The following RAD51AP2 variants were observed in gnomAD, a reference collection of about 807,000 sequenced individuals.
The protein encoded by RAD51AP2 is RAD51 associated protein 2, also known as RAD51-associated protein 2.
Under a neutral mutation model 85.5 loss-of-function variants are expected in RAD51AP2, and 67 were observed. The ratio of observed to expected loss-of-function variants is 0.78; its 90% CI spans 0.64 to 0.96. RAD51AP2 has a LOEUF of 0.96. Ranked by LOEUF, RAD51AP2 falls within the 40% of genes least tolerant of loss-of-function variation. RAD51AP2 has a pLI of 0.00. For synonymous variants in RAD51AP2, 474 were observed against 446.5 expected (o/e 1.06, Z -0.78); for missense variants, 1,307 against 1,332.4 (o/e 0.98, Z 0.30).
Position 17,517,424 on chromosome 2 carries a change from T to C in RAD51AP2, c.992A>G (p.Tyr331Cys). The change falls in exon 1 of 3, where the codon TAC becomes TGC. Residue 331 changes from tyrosine to cysteine, a missense_variant. Physicochemically the swap from Tyr to Cys is radical, Grantham distance 194. Coordinates refer to ENST00000399080, the MANE Select transcript of RAD51AP2 (RefSeq NM_001099218.3). ...NIFSKCYEND[Y>C]PSLSSQNTCK... Reference sequence around the variant, plus strand: ...AGTATTTTGGCTACTGAGTGATGGGTAGTCATTTTCATAACATTTGGAAAA... The same window carrying C: ...AGTATTTTGGCTACTGAGTGATGGGCAGTCATTTTCATAACATTTGGAAAA... 6.2e-7 allele frequency: 1 copy of C among 1,613,696 alleles called. No individual in the cohort carries two copies.
upstream of RAD51AP2, among the ~76,000 whole-genome samples, chr2:17,520,964 C>T (rs1662844186): frequency 6.6e-6 from 1 of 152,088 alleles, no homozygotes; most frequent in South Asian, 2.1e-4. Context: ...GAATTACTTG[C>T]ATCGTCATCT....
rs201450066 is a variant in RAD51AP2 at position 17,515,313 on chromosome 2, T to C, written c.3103A>G (p.Ile1035Val). ...CTTTTGCCCATATTAGGACCTGCTA[T>C]AGTATCATGGAACGAGGAAGATGCA... The part of the protein sequence containing the change: ...IRASSSFHDT[I>V]AGPNMGKSHQ... The change falls in exon 1 of 3, where the codon ATA (isoleucine) becomes GTA (valine). Residue 1035 changes from isoleucine (I) to valine (V), a missense_variant. Ile to Val is a conservative substitution (Grantham distance 29, BLOSUM62 3). Transcript: ENST00000399080. 6.3e-4 allele frequency: 1,012 copies of C among 1,613,514 alleles called. 4 individuals are homozygous for C. Among genetic ancestry groups the C allele is most frequent in the Non-Finnish European group, 2.6e-4 (310 of 1,179,784 alleles).
chr2:17,521,251 A>G (rs1178005581), upstream of RAD51AP2, among the ~76,000 whole-genome samples: 1 of 152,004 alleles, frequency 6.6e-6, no homozygotes, highest in Non-Finnish European at 1.5e-5. Context: ...TACATTAGAG[A>G]CTTGCTTTTA....
At chr2:17,534,172 G>A in the RAD51AP2 span, among the ~76,000 whole-genome samples, 1 of 152,072 alleles carries the variant, frequency 6.6e-6, no homozygotes, top group Admixed American at 6.5e-5. Context: ...TAATTTTAGT[G>A]CAAAATTTTC....
upstream of RAD51AP2, among the ~76,000 whole-genome samples, chr2:17,519,819 CA>C (rs1662817789): frequency 6.6e-6 from 1 of 152,156 alleles, no homozygotes; most frequent in East Asian, 1.9e-4. Context: ...AGATTTTCCA[CA>C]AATCTATATT....
chr2:17,518,991 C>A (rs902407718), upstream of RAD51AP2, among the ~76,000 whole-genome samples: 1 of 151,906 alleles, frequency 6.6e-6, no homozygotes, highest in Non-Finnish European at 1.5e-5. Context: ...TTCCACTTCA[C>A]TAATAAAGTG....
the RAD51AP2 span, among the ~76,000 whole-genome samples, chr2:17,529,132 G>A: frequency 6.6e-6 from 1 of 151,620 alleles, no homozygotes; most frequent in African/African-American, 2.4e-5. Flanking sequence ...TACTTTCATA[G>A]TATATTCTAA....
In RAD51AP2 at chr2:17,514,016, T is replaced by C. The variant is rs1220295705; in HGVS notation, c.3324A>G (p.Arg1108=). ...ECKEEFNYLL[R]GGSHFPHGIS... Reference sequence around the variant, plus strand: ...AAAAAGTAACCACAATGTTACCTCCTCTCAATAAATAATTAAATTCTTCTT... The same window carrying C: ...AAAAAGTAACCACAATGTTACCTCCCCTCAATAAATAATTAAATTCTTCTT... The change falls in exon 2 of 3, where the codon AGA becomes AGG. Residue 1108 remains arginine, a synonymous_variant. Coordinates refer to ENST00000399080, the MANE Select transcript of RAD51AP2 (RefSeq NM_001099218.3). 2.6e-6 allele frequency: 4 copies of C among 1,516,934 alleles called. No individual in the cohort carries two copies. The highest frequency in any genetic ancestry group is 3.7e-6 in the Non-Finnish European group (4 of 1,094,188). 94.0% of individuals were successfully genotyped at this position (1,516,934 alleles called of 1,614,324 possible).
chr2:17,522,758 G>A (rs751682094), upstream of RAD51AP2, among the ~76,000 whole-genome samples: 38 of 151,948 alleles, frequency 2.5e-4, no homozygotes, highest in South Asian at 6.2e-4. Flanking sequence ...AGGACAAAAT[G>A]TCTTTTTTTA....
At chr2:17,526,704 A>G in the RAD51AP2 span, among the ~76,000 whole-genome samples, 1 of 152,090 alleles carries the variant, frequency 6.6e-6, no homozygotes, top group African/African-American at 2.4e-5. Context: ...GAAATAGAAG[A>G]CAAGAAACAG....
Position 17,515,433 on chromosome 2 carries a change from T to C in RAD51AP2, c.2983A>G (p.Asn995Asp), listed in dbSNP as rs558436543. 3.1e-6 allele frequency: 5 copies of C among 1,612,978 alleles called. No individual in the cohort carries two copies. The highest frequency in any genetic ancestry group is 4.2e-6 in the Non-Finnish European group (5 of 1,179,752). ...NELLSTVETNNGQENYFGEND... is the reference protein window; with the variant it reads ...NELLSTVETNDGQENYFGEND... Reference sequence around the variant, plus strand: ...TCTCCAAAGTAATTTTCTTGCCCATTGTTTGTTTCCACAGTGCTTAGAAGT... The same window carrying C: ...TCTCCAAAGTAATTTTCTTGCCCATCGTTTGTTTCCACAGTGCTTAGAAGT... The change falls in exon 1 of 3, where the codon AAT becomes GAT. Residue 995 changes from asparagine to aspartate, a missense_variant. This residue lies in a region of RAD51AP2 where 668 missense variants were observed against 671.0 expected (regional missense o/e 1.00). Coordinates refer to ENST00000399080, the MANE Select transcript of RAD51AP2 (RefSeq NM_001099218.3).
upstream of RAD51AP2, among the ~76,000 whole-genome samples, chr2:17,518,700 T>G (rs1457880963): frequency 6.6e-6 from 1 of 151,942 alleles, no homozygotes; most frequent in African/African-American, 2.4e-5. Flanking sequence ...TTTAGCGCCT[T>G]TTTCTAATGC....
chr2:17,522,890 C>G (rs938885670), upstream of RAD51AP2, among the ~76,000 whole-genome samples: 2 of 151,652 alleles, frequency 1.3e-5, no homozygotes, highest in African/African-American at 2.4e-5. Flanking sequence ...TTAAAATTTT[C>G]AAGGAATTAC....
chr2:17,521,756 G>A (rs1230616354), upstream of RAD51AP2, among the ~76,000 whole-genome samples: 2 of 151,976 alleles, frequency 1.3e-5, no homozygotes, highest in Non-Finnish European at 2.9e-5. Context: ...GATAACATAT[G>A]TGCAAATGCT....
In RAD51AP2 at chr2:17,510,754, A is replaced by G. The variant is rs1197366010; in HGVS notation, c.*50T>C. On this transcript the variant is annotated 3_prime_UTR_variant, in exon 3 of 3. Transcript: ENST00000399080. ...CCCAAGCTGGAAGAACATATATCCAAAGAAAACAAAACATTTCTAGATGTT... is the reference window on the plus strand; with the variant it reads ...CCCAAGCTGGAAGAACATATATCCAGAGAAAACAAAACATTTCTAGATGTT... 10 of 1,335,464 alleles carry G rather than the reference A, an allele frequency of 7.5e-6. No homozygotes were observed. Among genetic ancestry groups the G allele is most frequent in the Non-Finnish European group, 1.0e-5 (10 of 989,006 alleles). The allele number at this position is 1,335,464 out of a possible 1,614,324, so 82.7% of individuals were successfully genotyped here. A position where few individuals can be genotyped will look rare whatever the true frequency, so the allele number is the denominator to read the frequency against.
rs778561141 is a variant in RAD51AP2, at chr2:17,517,464, C to T, written c.952G>A (p.Glu318Lys). 1 of 1,613,818 alleles carries T rather than the reference C, an allele frequency of 6.2e-7. No individual in the cohort carries two copies. The highest frequency in any genetic ancestry group is 2.2e-5 in the East Asian group (1 of 44,868). The change falls in exon 1 of 3, where the codon GAA (glutamate) becomes AAA (lysine). Residue 318 changes from glutamate (E) to lysine (K), a missense_variant. Around this residue, in one of 3 missense-constraint regions of RAD51AP2, gnomAD observed 635 missense variants for 643.6 expected, o/e 0.99. Coordinates refer to ENST00000399080, the MANE Select transcript of RAD51AP2 (RefSeq NM_001099218.3). Reference sequence around the variant, plus strand: ...CATTTGGAAAAAATGTTTTCCGCTTCTACAGTTTTTTTATCATTCTGTAAC... The same window carrying T: ...CATTTGGAAAAAATGTTTTCCGCTTTTACAGTTTTTTTATCATTCTGTAAC... Reference protein sequence around the residue: ...QKLQNDKKTVEAENIFSKCYE... With the variant: ...QKLQNDKKTVKAENIFSKCYE...
the RAD51AP2 span, among the ~76,000 whole-genome samples, chr2:17,527,117 C>T: frequency 1.3e-5 from 2 of 152,180 alleles, no homozygotes; most frequent in South Asian, 4.2e-4. Flanking sequence ...GCTCCGCACC[C>T]CGAAAATTAT....
upstream of RAD51AP2, among the ~76,000 whole-genome samples, chr2:17,520,300 GGTTTTTTCCTTT>G (rs1377082169): frequency 6.6e-6 from 1 of 151,850 alleles, no homozygotes; most frequent in Non-Finnish European, 1.5e-5. Flanking sequence ...TATTTATGTG[GGTTTTTTCCTTT>G]GTTTTTTTAA....
Position 17,515,307 on chromosome 2 carries a change from CT to C in RAD51AP2, c.3108del (p.Gly1037ValfsTer71). The C allele has an allele frequency of 6.2e-7, 1 of 1,613,692 alleles. No homozygotes were observed. The highest frequency in any genetic ancestry group is 8.5e-7 in the Non-Finnish European group (1 of 1,179,816). On this transcript the variant is annotated frameshift_variant, in exon 1 of 3. Transcript: ENST00000399080. LOFTEE classifies it high-confidence loss of function. ...RASSSFHDTI[A>X]GPNMGKSHQS... is the part of the protein sequence containing the mutation. ...TGGTGACTTTTGCCCATATTAGGAC[CT>C]GCTATAGTATCATGGAACGAGGAAG... is the stretch of plus-strand genomic sequence containing the variant.
Sources: allele counts gnomAD v4.1 joint callset (sites outside exome capture counted in the v4.1 genomes callset), GRCh38; gene constraint gnomAD v4.1.1; regional missense constraint gnomAD v4.1.1; transcripts MANE v1.5; gene names NCBI Gene and HGNC (gene_info 2026-07-23, HGNC 2026-07-21).